PDE1C: variants seen among roughly 807,000 people sequenced by gnomAD.
PDE1C encodes phosphodiesterase 1C.
In PDE1C, 62 loss-of-function variants were observed where a neutral mutation model predicts 93.1. The observed-to-expected ratio is 0.67, with a 90% CI of 0.54 to 0.82. The LOEUF is 0.82. Ranked by LOEUF, PDE1C falls within the 40% of genes least tolerant of loss-of-function variation. The pLI, the probability that PDE1C is intolerant of heterozygous loss-of-function variation, is 0.00. For missense variants in PDE1C, 742 were observed against 884.6 expected (o/e 0.84, Z 2.04); for synonymous variants, 325 against 310.1 (o/e 1.05, Z -0.50).
At chr7:32,272,074 AC>A (rs1162013478) in intron 1 of PDE1C, among the ~76,000 whole-genome samples, 2 of 152,242 alleles carry the variant, frequency 1.3e-5, no homozygotes, top group African/African-American at 4.8e-5. Flanking sequence ...AAGCTCATTA[AC>A]TTGGGTCGGT....
At chr7:31,798,854 C>A (rs1785633352) in intron 16 of PDE1C, among the ~76,000 whole-genome samples, 1 of 151,580 alleles carries the variant, frequency 6.6e-6, no homozygotes, top group South Asian at 2.1e-4. Context: ...GAAGAAATAG[C>A]AGAGATTGGA....
intron 2 of PDE1C, among the ~76,000 whole-genome samples, chr7:32,018,058 C>T (rs949068910): frequency 2.6e-5 from 4 of 151,294 alleles, no homozygotes; most frequent in African/African-American, 9.7e-5. Flanking sequence ...CCAGATTCCA[C>T]CCTGGGTGAC....
At chr7:31,852,708 G>A (rs565381373) in intron 7 of PDE1C, among the ~76,000 whole-genome samples, 75 of 152,212 alleles carry the variant, frequency 4.9e-4, no homozygotes, top group African/African-American at 1.7e-3. Flanking sequence ...CACACACCAC[G>A]CCTGCAGAAT....
chr7:32,103,696 C>A (rs930347763), intron 3 of PDE1C, among the ~76,000 whole-genome samples: 1 of 152,106 alleles, frequency 6.6e-6, no homozygotes, highest in African/African-American at 2.4e-5. Context: ...GATTGTCATG[C>A]ATTTAAGAAA....
intron 17 of PDE1C, among the ~76,000 whole-genome samples, chr7:31,772,711 T>C (rs12155061): frequency 0.31 from 47,017 of 152,178 alleles, 7,817 homozygotes; most frequent in African/African-American, 0.42. Context: ...TTGGATCAGC[T>C]TACAGCAGAT....
At chr7:31,702,865 G>GT in the PDE1C span, among the ~76,000 whole-genome samples, 2 of 152,070 alleles carry the variant, frequency 1.3e-5, no homozygotes, top group Admixed American at 6.6e-5. Context: ...TTTTCTGTTC[G>GT]TGCTTGTATC....
At chr7:32,090,403 C>T (rs1797405813) in intron 3 of PDE1C, among the ~76,000 whole-genome samples, 1 of 152,190 alleles carries the variant, frequency 6.6e-6, no homozygotes, top group Non-Finnish European at 1.5e-5. Context: ...GGGAGCAAGC[C>T]TCTAAATTCC....
At chr7:32,096,702 C>G (rs938690459) in intron 3 of PDE1C, among the ~76,000 whole-genome samples, 1 of 152,070 alleles carries the variant, frequency 6.6e-6, no homozygotes, top group African/African-American at 2.4e-5. Flanking sequence ...TGCACATAAC[C>G]TATGTTTTAT....
chr7:31,693,838 A>G, the PDE1C span, among the ~76,000 whole-genome samples: 16 of 152,352 alleles, frequency 1.1e-4, no homozygotes, highest in Admixed American at 3.3e-4. Flanking sequence ...AAGAGAAGGA[A>G]ATGAAAGGGA....
At chr7:32,118,530 T>C (rs1023398202) in intron 3 of PDE1C, among the ~76,000 whole-genome samples, 1 of 152,186 alleles carries the variant, frequency 6.6e-6, no homozygotes, top group Non-Finnish European at 1.5e-5. Flanking sequence ...TACAATAGAA[T>C]TACCAAAGAC....
the PDE1C span, among the ~76,000 whole-genome samples, chr7:31,628,745 C>T: frequency 9.9e-5 from 15 of 152,110 alleles, no homozygotes; most frequent in African/African-American, 3.1e-4. Context: ...CTTGAGCCAC[C>T]GCGCCCGGCC....
intron 2 of PDE1C, among the ~76,000 whole-genome samples, chr7:31,881,130 A>C (rs1382339397): frequency 6.6e-6 from 1 of 152,172 alleles, no homozygotes; most frequent in Non-Finnish European, 1.5e-5. Context: ...ATTATCAATG[A>C]TTTTGCTTTT....
the PDE1C span, among the ~76,000 whole-genome samples, chr7:31,741,724 C>T: frequency 3.3e-5 from 5 of 152,122 alleles, no homozygotes; most frequent in Admixed American, 1.3e-4. Context: ...CAGAATGTGG[C>T]TCATCATAGG....
intron 1 of PDE1C, among the ~76,000 whole-genome samples, chr7:32,416,855 C>T (rs75466190): frequency 0.019 from 2,847 of 152,180 alleles, 34 homozygotes; most frequent in Non-Finnish European, 0.028. Context: ...TGCAGAGGAA[C>T]GGGTATCATC....
chr7:31,727,922 T>C, the PDE1C span, among the ~76,000 whole-genome samples: 2 of 152,132 alleles, frequency 1.3e-5, no homozygotes, highest in African/African-American at 4.8e-5. Context: ...CATGCACCTA[T>C]ATTCCTCACT....
At chr7:32,178,364 T>G (rs529393075) in intron 2 of PDE1C, among the ~76,000 whole-genome samples, 92 of 152,172 alleles carry the variant, frequency 6.0e-4, no homozygotes, top group Admixed American at 2.0e-3. Flanking sequence ...TCCACAAATG[T>G]GGGCAGAAGA....
intron 1 of PDE1C, among the ~76,000 whole-genome samples, chr7:32,305,296 G>A (rs773680689): frequency 2.0e-5 from 3 of 152,122 alleles, no homozygotes; most frequent in African/African-American, 4.8e-5. Flanking sequence ...TCTGTTCCCT[G>A]GGCATCCAGG....
chr7:32,385,692 G>C (rs1784610781), intron 1 of PDE1C, among the ~76,000 whole-genome samples: 1 of 152,178 alleles, frequency 6.6e-6, no homozygotes, highest in South Asian at 2.1e-4. Context: ...GCAGAGAGTG[G>C]AGGGAGAGAG....
chr7:32,298,750 G>A, exon 1 of PDE1C: 1 of 1,580,318 alleles, frequency 6.3e-7, no homozygotes, highest in Middle Eastern at 1.7e-4. Context: ...CGGCCGGCCG[G>A]GCAGGGGCCT....
Sources: gnomAD v4.1 joint callset for allele counts (sites outside exome capture counted in the v4.1 genomes callset) on GRCh38, gnomAD v4.1.1 for gene constraint, MANE v1.5 for transcripts, NCBI Gene and HGNC (gene_info 2026-07-23, HGNC 2026-07-21) for gene names.